Variants in MTUS2 observed in about 807,000 individuals in gnomAD.
MTUS2 encodes microtubule-associated tumor suppressor candidate 2.
In MTUS2, 40 loss-of-function variants were observed where a neutral mutation model predicts 114.1. That is an observed-to-expected ratio of 0.35 (90% CI 0.27 to 0.46). The LOEUF (loss-of-function observed/expected upper bound fraction) is 0.46, where lower values mean the gene tolerates loss of function less well. MTUS2 is among the 20% of genes least tolerant of loss of function. MTUS2 has a pLI of 1.00. For missense variants in MTUS2, 1,679 were observed against 1,705.4 expected, an observed-to-expected ratio of 0.98 and a Z score of 0.27; for synonymous variants, 688 against 672.0, an observed-to-expected ratio of 1.02 and a Z score of -0.37.
intron 1 of MTUS2, among the ~76,000 whole-genome samples, chr13:28,834,627 ATTTTC>A (rs1330007721): frequency 6.6e-6 from 1 of 152,180 alleles, no homozygotes; most frequent in African/African-American, 2.4e-5. Flanking sequence ...ATTAGGCAAT[ATTTTC>A]TTATATGTAA....
At chr13:29,324,974 G>A (rs1473150918) in intron 7 of MTUS2, among the ~76,000 whole-genome samples, 2 of 152,164 alleles carry the variant, frequency 1.3e-5, no homozygotes, top group Non-Finnish European at 2.9e-5. Context: ...CCAATAGCAA[G>A]TAGAAATAAT....
chr13:29,063,027 G>A (rs1248643204), intron 4 of MTUS2, among the ~76,000 whole-genome samples: 1 of 152,168 alleles, frequency 6.6e-6, no homozygotes, highest in Non-Finnish European at 1.5e-5. Flanking sequence ...GATCTTGTTT[G>A]AGTGCTCAAA....
chr13:29,156,048 T>TA lies in MTUS2; in HGVS notation c.2644+55079dup, dbSNP rs138213135. ...TATTGACCTTGATTGAAAGTACTCT[T>TA]ACCTATTGTTGCAGAGTCTATGAGT... On this transcript the variant is annotated intron_variant, in intron 5 of 15. Coordinates refer to ENST00000612955, the MANE Select transcript of MTUS2 (RefSeq NM_001033602.4). 8.8e-3 allele frequency among the ~76,000 whole-genome samples: 1,342 copies of TA among 152,220 alleles called. 16 individuals carry two copies. The highest frequency in any genetic ancestry group is 0.03 in the African/African-American group (1,258 of 41,538).
chr13:29,095,653 T>G (rs1279470351), intron 4 of MTUS2, among the ~76,000 whole-genome samples: 42 of 152,136 alleles, frequency 2.8e-4, no homozygotes, highest in Admixed American at 2.6e-3. Flanking sequence ...GCTCCACTTA[T>G]TTTTCTTCAT....
At chr13:28,888,250 T>C (rs1281263264) in intron 2 of MTUS2, among the ~76,000 whole-genome samples, 1 of 145,202 alleles carries the variant, frequency 6.9e-6, no homozygotes, top group Non-Finnish European at 1.6e-5. Flanking sequence ...GTCTCAGAGT[T>C]TTACTAAATA....
At chr13:29,282,779 A>T (rs1432852654) in intron 6 of MTUS2, among the ~76,000 whole-genome samples, 2 of 152,138 alleles carry the variant, frequency 1.3e-5, no homozygotes, top group Non-Finnish European at 2.9e-5. Flanking sequence ...TACGGGTTTT[A>T]TAGGTATTTT....
At chr13:28,871,602 G>T (rs1166958681) in intron 2 of MTUS2, among the ~76,000 whole-genome samples, 1 of 152,074 alleles carries the variant, frequency 6.6e-6, no homozygotes, top group Non-Finnish European at 1.5e-5. Flanking sequence ...ATATAGTAGT[G>T]GGCAAAAAAG....
At chr13:29,009,406 ATAT>A (rs1885741849) in intron 2 of MTUS2, among the ~76,000 whole-genome samples, 1 of 151,872 alleles carries the variant, frequency 6.6e-6, no homozygotes, top group African/African-American at 2.4e-5. Flanking sequence ...TATATCAAAA[ATAT>A]TAATAATATA....
Position 28,864,876 on chromosome 13 carries a change from GT to G in MTUS2, c.-243+25033del, listed in dbSNP as rs1467249306. On this transcript the variant is annotated intron_variant, in intron 2 of 15. Coordinates refer to ENST00000612955, the MANE Select transcript of MTUS2 (RefSeq NM_001033602.4). ...ATTTTCATGAGTATTGTCCTTTTTT[GT>G]TTTTTTAATATTTGATTTTGCTCCC... Among the ~76,000 whole-genome samples the G allele has an allele frequency of 3.3e-5, 5 of 151,822 alleles. No individual in the cohort carries two copies. In the South Asian group the frequency reaches 1.0e-3, roughly 31 times the overall value.
intron 5 of MTUS2, among the ~76,000 whole-genome samples, chr13:29,211,129 C>T (rs1046833908): frequency 3.9e-5 from 6 of 152,152 alleles, no homozygotes; most frequent in East Asian, 1.9e-4. Flanking sequence ...AGACTGTCCT[C>T]GGTGGGTGGG....
intron 5 of MTUS2, among the ~76,000 whole-genome samples, chr13:29,108,864 AT>A (rs1227344226): frequency 6.6e-6 from 1 of 152,194 alleles, no homozygotes; most frequent in Non-Finnish European, 1.5e-5. Flanking sequence ...GTTTTAGGTA[AT>A]TGACAACCTT....
At chr13:29,387,333 G>A (rs949981742) in intron 8 of MTUS2, among the ~76,000 whole-genome samples, 2 of 152,156 alleles carry the variant, frequency 1.3e-5, no homozygotes, top group Non-Finnish European at 2.9e-5. Context: ...GCAAGTGGCG[G>A]GAGCTTCAGC....
intron 5 of MTUS2, among the ~76,000 whole-genome samples, chr13:29,208,464 G>T (rs1213493927): frequency 2.0e-5 from 3 of 151,570 alleles, no homozygotes; most frequent in Non-Finnish European, 4.4e-5. Context: ...CTTTTCTTCT[G>T]CTGCATTTGT....
intron 5 of MTUS2, among the ~76,000 whole-genome samples, chr13:29,247,174 T>C (rs1419767760): frequency 6.6e-6 from 1 of 152,136 alleles, no homozygotes; most frequent in Non-Finnish European, 1.5e-5. Flanking sequence ...AAAGGACACC[T>C]TATTCAACAA....
chr13:28,866,921 T>C (rs942794705), intron 2 of MTUS2, among the ~76,000 whole-genome samples: 1 of 152,220 alleles, frequency 6.6e-6, no homozygotes, highest in African/African-American at 2.4e-5. Context: ...AAAATTCTGA[T>C]AAAGTTTTTA....
chr13:28,996,573 A>T (rs1012392098), intron 2 of MTUS2, among the ~76,000 whole-genome samples: 2 of 152,192 alleles, frequency 1.3e-5, no homozygotes, highest in African/African-American at 4.8e-5. Context: ...CCTGAATTTC[A>T]GAGCCTGTTA....
chr13:28,949,501 T>C (rs1882704598), intron 2 of MTUS2, among the ~76,000 whole-genome samples: 1 of 152,246 alleles, frequency 6.6e-6, no homozygotes, highest in South Asian at 2.1e-4. Context: ...ATCTTAACAA[T>C]TTTTAACTGT....
Position 29,043,740 on chromosome 13 carries a change from G to T in MTUS2, c.2446+9615G>T, listed in dbSNP as rs567040051. The stretch of plus-strand genomic sequence containing the variant: ...TTTAACTGCTTTTGTTTTAAAGTCT[G>T]TTTCTCTAGACTTTAAACAATAAAG... On this transcript the variant is annotated intron_variant, in intron 4 of 15. Transcript: ENST00000612955. Among the ~76,000 whole-genome samples, 3 of 149,874 alleles carry T rather than the reference G, an allele frequency of 2.0e-5. No individual in the cohort carries two copies. In the South Asian group the frequency reaches 6.4e-4, roughly 32 times the overall value.
chr13:28,902,357 G>C (rs1025161514), intron 2 of MTUS2, among the ~76,000 whole-genome samples: 3 of 152,026 alleles, frequency 2.0e-5, no homozygotes, highest in African/African-American at 4.8e-5. Context: ...GTACTATGTT[G>C]AATAAAAGTG....
Sources: allele counts gnomAD v4.1 joint callset (sites outside exome capture counted in the v4.1 genomes callset), GRCh38; gene constraint gnomAD v4.1.1; transcripts MANE v1.5; gene names NCBI Gene and HGNC (gene_info 2026-07-23, HGNC 2026-07-21).